The following DEPDC5 variants were observed in gnomAD, a reference collection of about 807,000 sequenced individuals.
The protein encoded by DEPDC5 is GATOR1 complex protein DEPDC5.
Under a neutral mutation model 217.3 loss-of-function variants are expected in DEPDC5, and 73 were observed. The ratio of observed to expected loss-of-function variants is 0.34; its 90% CI spans 0.28 to 0.41. The LOEUF (loss-of-function observed/expected upper bound fraction) is 0.41. Ranked by LOEUF, DEPDC5 falls within the 10% of genes least tolerant of loss-of-function variation. The pLI, the probability that DEPDC5 is intolerant of heterozygous loss-of-function variation, is 1.00. For missense variants in DEPDC5, 1,675 were observed against 2,070.1 expected (o/e 0.81, Z 3.70); for synonymous variants, 733 against 756.7 (o/e 0.97, Z 0.51).
intron 33 of DEPDC5, among the ~76,000 whole-genome samples, chr22:31,864,599 T>A (rs750941872): frequency 6.6e-6 from 1 of 150,538 alleles, no homozygotes; most frequent in Non-Finnish European, 1.5e-5. Context: ...CTTTGTAGGG[T>A]TGTTCTGAGG....
chr22:31,770,377 G>GT (rs1350673462), intron 7 of DEPDC5, among the ~76,000 whole-genome samples: 1 of 150,696 alleles, frequency 6.6e-6, no homozygotes, highest in African/African-American at 2.4e-5. Flanking sequence ...TTTATGTCTT[G>GT]TTTTTTTGTT....
At chr22:31,867,915 G>T (rs1228470690) in intron 33 of DEPDC5, among the ~76,000 whole-genome samples, 2 of 152,160 alleles carry the variant, frequency 1.3e-5, no homozygotes, top group African/African-American at 4.8e-5. Flanking sequence ...GGGCCCAGAA[G>T]GCAATGCCTA....
intron 16 of DEPDC5, 45 bp downstream of exon 16, chr22:31,804,268 A>G (rs2087222136): frequency 6.3e-7 from 1 of 1,595,956 alleles, no homozygotes; most frequent in Non-Finnish European, 8.6e-7. Context: ...GTTGGAGTAT[A>G]GTTAGAAAGA....
At chr22:31,808,817 G>A (rs953853184) in intron 18 of DEPDC5, among the ~76,000 whole-genome samples, 2 of 152,064 alleles carry the variant, frequency 1.3e-5, no homozygotes, top group African/African-American at 4.8e-5. Context: ...TACCTGTCTC[G>A]GCTTCCCAAA....
chr22:31,774,738 G>T (rs897715822), intron 7 of DEPDC5, among the ~76,000 whole-genome samples: 14 of 152,028 alleles, frequency 9.2e-5, no homozygotes, highest in Non-Finnish European at 1.6e-4. Flanking sequence ...ACCTACTTGG[G>T]AGTCTGAGGT....
chr22:31,880,190 GTCTC>G (rs144285418), intron 38 of DEPDC5: 5 of 184,662 alleles, frequency 2.7e-5, no homozygotes, highest in Non-Finnish European at 4.6e-5. Flanking sequence ...CAGAGCAAAA[GTCTC>G]TCTCTCTCTC....
At chr22:31,757,094 A>G (rs1426314073) in intron 2 of DEPDC5, 4 of 151,644 alleles carry the variant, frequency 2.6e-5, no homozygotes, top group Admixed American at 6.6e-5. Context: ...GCAGAAGGGG[A>G]TATGTTCTCA....
At chr22:31,782,842 T>C (rs772209216) in intron 8 of DEPDC5, among the ~76,000 whole-genome samples, 17 of 152,188 alleles carry the variant, frequency 1.1e-4, no homozygotes, top group Non-Finnish European at 1.9e-4. Context: ...AGATCTTATT[T>C]TCACTGTCTC....
chr22:31,873,789 CTTTTTTTTT>C (rs796650383), intron 35 of DEPDC5: 5,290 of 114,710 alleles, frequency 0.046, 176 homozygotes, highest in Admixed American at 0.12. Flanking sequence ...ACAACTTCTT[CTTTTTTTTT>C]TTTTTTTTTT....
At chr22:31,803,483 A>T (rs1426838412) in intron 15 of DEPDC5, among the ~76,000 whole-genome samples, 2 of 151,932 alleles carry the variant, frequency 1.3e-5, no homozygotes, top group African/African-American at 2.4e-5. Flanking sequence ...AAGTTCTAGG[A>T]TTGCAGGCAT....
In DEPDC5 at chr22:31,788,037, C is replaced by T. The variant is rs114298543; in HGVS notation, c.624+3162C>T. On this transcript the variant is annotated intron_variant, in intron 10 of 42. Transcript: ENST00000651528. ...ATTACATGCCTGTATCAAAACATCT[C>T]ATGTACCCCACAGATATTAAACACC... Among the ~76,000 whole-genome samples, 906 of 151,986 alleles carry T rather than the reference C, an allele frequency of 6.0e-3. 8 individuals are homozygous for T. The highest frequency in any genetic ancestry group is 0.02 in the African/African-American group (834 of 41,482).
intron 31 of DEPDC5, among the ~76,000 whole-genome samples, chr22:31,854,038 G>A (rs561097002): frequency 2.0e-5 from 3 of 152,268 alleles, no homozygotes; most frequent in South Asian, 2.1e-4. Context: ...AGGCCCACCC[G>A]GTGCATATGT....
At chr22:31,818,231 G>A (rs1322362883) in intron 21 of DEPDC5, among the ~76,000 whole-genome samples, 3 of 152,074 alleles carry the variant, frequency 2.0e-5, no homozygotes, top group Admixed American at 6.6e-5. Context: ...CTCCTTGCCT[G>A]GTCAAGGCTG....
chr22:31,905,572 C>T (rs1480059576), intron 41 of DEPDC5, among the ~76,000 whole-genome samples: 1 of 151,808 alleles, frequency 6.6e-6, no homozygotes, highest in African/African-American at 2.4e-5. Context: ...AGGTAGATTC[C>T]AGTGAGAGGC....
chr22:31,897,369 C>A, intron 39 of DEPDC5, 113 bp from the exon 40 acceptor site: 1 of 1,331,200 alleles, frequency 7.5e-7, no homozygotes. Flanking sequence ...AATAAATGAG[C>A]ATGCAAATCA....
chr22:31,836,873 T>C, intron 25 of DEPDC5, 99 bp from the exon 26 acceptor site: 1 of 1,186,838 alleles, frequency 8.4e-7, no homozygotes, highest in Non-Finnish European at 1.2e-6. Context: ...CACCCTGAAC[T>C]TTTTTCCCCA....
intron 25 of DEPDC5, 144 bp from the exon 26 acceptor site, chr22:31,836,828 T>A: frequency 1.4e-6 from 1 of 707,730 alleles, no homozygotes; most frequent in Non-Finnish European, 2.4e-6. Flanking sequence ...TCCCCTACCC[T>A]GTTTCTTCCC....
chr22:31,887,379 A>G (rs1223471895), intron 38 of DEPDC5, among the ~76,000 whole-genome samples: 1 of 140,284 alleles, frequency 7.1e-6, no homozygotes, highest in Non-Finnish European at 1.5e-5. Flanking sequence ...AGATTGCGCC[A>G]TTGCACTCCA....
chr22:31,776,652 C>T (rs1441316337), intron 7 of DEPDC5, among the ~76,000 whole-genome samples: 1 of 139,192 alleles, frequency 7.2e-6, no homozygotes, highest in African/African-American at 2.7e-5. Context: ...TCTTGGCTTA[C>T]TGCAATCTCT....
Sources: gnomAD v4.1 joint callset for allele counts (sites outside exome capture counted in the v4.1 genomes callset) on GRCh38, gnomAD v4.1.1 for gene constraint, MANE v1.5 for transcripts, NCBI Gene and HGNC (gene_info 2026-07-23, HGNC 2026-07-21) for gene names.